Variants in DNAAF9 observed in about 807,000 individuals in gnomAD.
DNAAF9 encodes the protein shulin.
A neutral mutation model predicts 167.0 loss-of-function variants in DNAAF9; 90 were observed. The observed-to-expected ratio is 0.54, with a 90% CI of 0.45 to 0.64. The LOEUF (loss-of-function observed/expected upper bound fraction) is 0.64, where lower values mean the gene tolerates loss of function less well. Among genes scored for constraint, DNAAF9 ranks in the 30% least tolerant of loss-of-function variants. The pLI is 0.00. For synonymous variants in DNAAF9, 491 were observed against 508.8 expected (o/e 0.96, Z 0.47); for missense variants, 1,315 against 1,442.2 (o/e 0.91, Z 1.43).
rs570755237 is a variant in DNAAF9, at chr20:3,296,785, A to C, written c.2018+76T>G. On this transcript the variant is annotated intron_variant, in intron 23 of 36. Coordinates refer to ENST00000252032, the MANE Select transcript of DNAAF9 (RefSeq NM_001009984.3). The stretch of plus-strand genomic sequence containing the variant: ...GAAGCCAAGACCCCTGTGTTACATA[A>C]TGCGAGGCATCCTGCAGAGAGAGCA... 6.7e-6 allele frequency: 6 copies of C among 900,394 alleles called. No homozygotes were observed. The African/African-American group carries it at 9.9e-5, about 15-fold the overall frequency. The allele number at this position is 900,394 out of a possible 1,614,324, so 55.8% of individuals were successfully genotyped here. A position where few individuals can be genotyped will look rare whatever the true frequency, so the allele number is the denominator to read the frequency against.
chr20:3,318,271 A>T lies in DNAAF9; in HGVS notation c.1468+18T>A, dbSNP rs1365450290. Reference sequence around the variant, plus strand: ...AAAAAGGCTTAAGGTTTGCTTTCTAAAGATCACATATACTTACCCTTTTCT... The same window carrying T: ...AAAAAGGCTTAAGGTTTGCTTTCTATAGATCACATATACTTACCCTTTTCT... On this transcript the variant is annotated intron_variant, in intron 17 of 36. Transcript: ENST00000252032. 2 of 1,151,664 alleles carry T rather than the reference A, an allele frequency of 1.7e-6. No homozygotes were observed. Among genetic ancestry groups the T allele is most frequent in the Admixed American group, 4.0e-5 (2 of 50,356 alleles). The allele number at this position is 1,151,664 out of a possible 1,614,324, so 71.3% of individuals were successfully genotyped here. A position where few individuals can be genotyped will look rare whatever the true frequency, so the allele number is the denominator to read the frequency against.
At chr20:3,313,230 G>C (rs1249021484) in intron 20 of DNAAF9, among the ~76,000 whole-genome samples, 1 of 152,216 alleles carries the variant, frequency 6.6e-6, no homozygotes, top group African/African-American at 2.4e-5. Context: ...CCTGCCTTCA[G>C]CAAATGTTCT....
chr20:3,275,095 G>C (rs1345997534), intron 29 of DNAAF9, among the ~76,000 whole-genome samples: 1 of 152,188 alleles, frequency 6.6e-6, no homozygotes, highest in African/African-American at 2.4e-5. Flanking sequence ...AGGGCCTCTG[G>C]AAACTGAGTA....
At chr20:3,319,987 G>A (rs772713467) in intron 16 of DNAAF9, among the ~76,000 whole-genome samples, 2 of 152,144 alleles carry the variant, frequency 1.3e-5, no homozygotes, top group African/African-American at 2.4e-5. Flanking sequence ...CCAATCAGGT[G>A]GACAGATCCT....
chr20:3,314,966 C>T (rs1425986398), intron 20 of DNAAF9, 67 bp downstream of exon 20: 8 of 817,286 alleles, frequency 9.8e-6, no homozygotes, highest in Non-Finnish European at 1.3e-5. Context: ...AATTACAACA[C>T]CCATGCTGAC....
intron 1 of DNAAF9, among the ~76,000 whole-genome samples, chr20:3,400,356 T>C (rs1227700807): frequency 2.0e-5 from 3 of 151,154 alleles, no homozygotes; most frequent in Non-Finnish European, 4.4e-5. Flanking sequence ...AACAAAAGTT[T>C]ACTAAGTAAA....
chr20:3,407,668 G>C lies in DNAAF9; in HGVS notation c.-111C>G. The C allele has an allele frequency of 9.5e-7, 1 of 1,056,782 alleles. No homozygotes were observed. The highest frequency in any genetic ancestry group is 1.1e-6 in the Non-Finnish European group (1 of 871,650). 65.5% of individuals were successfully genotyped at this position (1,056,782 alleles called of 1,614,324 possible). ...CGGGCGGGGCGGCAGGGCGTGCCGG[G>C]TGGGAGGGGGCGCGGCGCGCGGGCC... On this transcript the variant is annotated 5_prime_UTR_variant, in exon 1 of 37. Coordinates refer to ENST00000252032, the MANE Select transcript of DNAAF9 (RefSeq NM_001009984.3).
chr20:3,350,696 A>G (rs965435440), intron 7 of DNAAF9, among the ~76,000 whole-genome samples: 2 of 152,198 alleles, frequency 1.3e-5, no homozygotes, highest in African/African-American at 4.8e-5. Flanking sequence ...ATATCTTAAC[A>G]TAGTAGCTGG....
chr20:3,317,664 T>C (rs2069528856), intron 17 of DNAAF9, among the ~76,000 whole-genome samples: 1 of 151,362 alleles, frequency 6.6e-6, no homozygotes. Context: ...TGGTGCGACC[T>C]CAGCTCAATG....
intron 7 of DNAAF9, among the ~76,000 whole-genome samples, chr20:3,349,198 A>C (rs532081439): frequency 1.4e-4 from 20 of 141,694 alleles, no homozygotes; most frequent in Admixed American, 2.9e-4. Context: ...CTACCAAAAA[A>C]AAAAACAAAA....
chr20:3,361,963 G>A, intron 6 of DNAAF9: 1 of 1,537,306 alleles, frequency 6.5e-7, no homozygotes, highest in Non-Finnish European at 9.0e-7. Flanking sequence ...AACTCTTGCA[G>A]GACAACTTTG....
At chr20:3,379,045 C>T (rs887268030) in intron 3 of DNAAF9, among the ~76,000 whole-genome samples, 4 of 151,824 alleles carry the variant, frequency 2.6e-5, no homozygotes, top group African/African-American at 9.7e-5. Flanking sequence ...TTCCCTGAGT[C>T]ATTCGTAGAC....
chr20:3,326,171 A>C (rs2069707430), intron 13 of DNAAF9, 26 bp downstream of exon 13: 2 of 1,429,144 alleles, frequency 1.4e-6, no homozygotes, highest in African/African-American at 2.8e-5. Flanking sequence ...ATAATTACAG[A>C]AAGGGAAACA....
chr20:3,359,343 A>G (rs2083329844), intron 7 of DNAAF9, among the ~76,000 whole-genome samples, 173 bp downstream of exon 7: 1 of 152,204 alleles, frequency 6.6e-6, no homozygotes, highest in Non-Finnish European at 1.5e-5. Context: ...TCACTTTGCC[A>G]GGTTCCTTTA....
At chr20:3,402,877 G>C (rs2123312934) in intron 1 of DNAAF9, among the ~76,000 whole-genome samples, 1 of 152,318 alleles carries the variant, frequency 6.6e-6, no homozygotes, top group East Asian at 1.9e-4. Context: ...ATATAAGTGA[G>C]ATCATGTGGT....
intron 1 of DNAAF9, among the ~76,000 whole-genome samples, chr20:3,406,962 A>G (rs1176072511): frequency 6.6e-6 from 1 of 151,830 alleles, no homozygotes; most frequent in Non-Finnish European, 1.5e-5. Flanking sequence ...AAGGCTCTAG[A>G]GACCCACGGG....
At position 3,382,492 on chromosome 20, in the gene DNAAF9, C is replaced by A; in HGVS notation, c.98G>T (p.Arg33Leu). The A allele has an allele frequency of 1.2e-6, 2 of 1,613,712 alleles. No individual in the cohort carries two copies. The highest frequency in any genetic ancestry group is 1.7e-6 in the Non-Finnish European group (2 of 1,179,716). ...GSPSVSCSRL[R>L]QVQSILTQSS... ...CTGGGTCAGGATGCTCTGAACCTGC[C>A]GAAGTCGACTGCAGCTGCAACAAGA... Residue 33 changes from arginine to leucine, a missense_variant, in exon 2 of 37, where the codon CGG (arginine) becomes CTG (leucine). Physicochemically the swap from Arg to Leu is moderately radical, Grantham distance 102 (BLOSUM62 -2). Around this residue, in one of 2 missense-constraint regions of DNAAF9, gnomAD observed 981 missense variants for 1,012.5 expected, o/e 0.97. Transcript: ENST00000252032.
intron 21 of DNAAF9, among the ~76,000 whole-genome samples, chr20:3,301,290 C>T (rs1344475822): frequency 6.6e-6 from 1 of 151,640 alleles, no homozygotes; most frequent in Admixed American, 6.6e-5. Flanking sequence ...CAGGTTCAAG[C>T]GATTTTCCTG....
At chr20:3,352,843 T>C (rs971707714) in intron 7 of DNAAF9, among the ~76,000 whole-genome samples, 2 of 66,324 alleles carry the variant, frequency 3.0e-5, no homozygotes, top group Non-Finnish European at 6.1e-5. Context: ...GAGTTCAAAA[T>C]ATTTATATAT....
Sources: gnomAD v4.1 joint callset for allele counts (sites outside exome capture counted in the v4.1 genomes callset) on GRCh38, gnomAD v4.1.1 for gene constraint, gnomAD v4.1.1 regional missense constraint, MANE v1.5 for transcripts, NCBI Gene and HGNC (gene_info 2026-07-23, HGNC 2026-07-21) for gene names.